The following DCDC2C variants were observed in gnomAD, a reference collection of about 807,000 sequenced individuals.
DCDC2C encodes doublecortin domain-containing protein 2C.
A neutral mutation model predicts 45.0 loss-of-function variants in DCDC2C; 44 were observed. That is an observed-to-expected ratio of 0.98 (90% CI 0.77 to 1.26). The LOEUF (loss-of-function observed/expected upper bound fraction) is 1.26, where lower values mean the gene tolerates loss of function less well. Ranked by LOEUF, DCDC2C falls within the 50% of genes most tolerant of loss-of-function variation. The probability of loss-of-function intolerance (pLI) is 0.00; values close to 1 mark genes in which losing one functional copy is unlikely to be tolerated. For synonymous variants in DCDC2C, 187 were observed against 178.8 expected (o/e 1.05, Z -0.37); for missense variants, 447 against 468.9 (o/e 0.95, Z 0.43).
chr2:3,816,238 G>A (rs902910771), intron 10 of DCDC2C, among the ~76,000 whole-genome samples: 1 of 152,204 alleles, frequency 6.6e-6, no homozygotes, highest in African/African-American at 2.4e-5. Context: ...GTCCGAATAA[G>A]AGAAGGAGAA....
chr2:3,795,806 C>T (rs1433298092), intron 10 of DCDC2C, among the ~76,000 whole-genome samples: 2 of 136,372 alleles, frequency 1.5e-5, no homozygotes, highest in Admixed American at 7.3e-5. Context: ...TAGCGTGATG[C>T]CTCCAGCTTT....
chr2:3,718,703 C>T (rs1484255319), intron 2 of DCDC2C, among the ~76,000 whole-genome samples: 1 of 152,172 alleles, frequency 6.6e-6, no homozygotes, highest in Non-Finnish European at 1.5e-5. Flanking sequence ...GAAACAAGCT[C>T]TGTGCTGGGT....
intron 6 of DCDC2C, among the ~76,000 whole-genome samples, chr2:3,755,412 A>G (rs1380587864): frequency 6.6e-6 from 1 of 150,800 alleles, no homozygotes; most frequent in East Asian, 2.0e-4. Flanking sequence ...TATGTATTTA[A>G]ATACATGTGT....
intron 10 of DCDC2C, among the ~76,000 whole-genome samples, chr2:3,789,654 C>T (rs1670753076): frequency 6.6e-6 from 1 of 152,228 alleles, no homozygotes; most frequent in Non-Finnish European, 1.5e-5. Context: ...TTTTTTCCTA[C>T]TAAATGCTCC....
chr2:3,802,245 G>A (rs1475598609), intron 10 of DCDC2C, among the ~76,000 whole-genome samples: 2 of 152,206 alleles, frequency 1.3e-5, no homozygotes, highest in African/African-American at 2.4e-5. Context: ...AATAAAAGCT[G>A]TCCTTCAACG....
chr2:3,707,324 C>G (rs1291683788), intron 1 of DCDC2C, among the ~76,000 whole-genome samples: 2 of 151,996 alleles, frequency 1.3e-5, no homozygotes, highest in African/African-American at 4.8e-5. Context: ...TAATGAAAAT[C>G]AGATGTCTCA....
At chr2:3,736,003 T>C (rs891324882) in intron 3 of DCDC2C, among the ~76,000 whole-genome samples, 5 of 152,308 alleles carry the variant, frequency 3.3e-5, no homozygotes, top group African/African-American at 1.2e-4. Flanking sequence ...ATTTCTATCT[T>C]ATAGGGTTCT....
chr2:3,800,004 G>A (rs1255116563), intron 10 of DCDC2C, among the ~76,000 whole-genome samples: 1 of 152,214 alleles, frequency 6.6e-6, no homozygotes, highest in Non-Finnish European at 1.5e-5. Context: ...AGACTGCTGT[G>A]CTAGCAATCA....
intron 6 of DCDC2C, 31 bp downstream of exon 6, chr2:3,754,665 TTGTTTC>T: frequency 1.3e-6 from 2 of 1,538,758 alleles, no homozygotes; most frequent in South Asian, 1.2e-5. Context: ...AGTAAGTAAC[TTGTTTC>T]TGATTCTGGC....
Position 3,818,151 on chromosome 2 carries a change from A to G in DCDC2C, c.1066-29003A>G, listed in dbSNP as rs147569554. On this transcript the variant is annotated intron_variant, in intron 10 of 10. Transcript: ENST00000399143. The surrounding 1 kb of genome is among the most constrained non-coding windows in gnomAD (Gnocchi z 4.7). ...TGGGAAGATTTGTAGGAGGGGCTAT[A>G]AAGTAGAAGGTCATCAAAATATTTA... is the stretch of plus-strand genomic sequence containing the variant. 9.2e-3 allele frequency among the ~76,000 whole-genome samples: 1,399 copies of G among 152,300 alleles called. 24 individuals are homozygous for G. The highest frequency in any genetic ancestry group is 0.031 in the African/African-American group (1,288 of 41,564).
At chr2:3,834,080 A>ACTCCCCCCCCCCCCCCCCCCCCCCCC in intron 10 of DCDC2C, among the ~76,000 whole-genome samples, 1 of 150,652 alleles carries the variant, frequency 6.6e-6, no homozygotes, top group Admixed American at 6.6e-5. Flanking sequence ...TTTCCTGTTT[A>ACTCCCCCCCCCCCCCCCCCCCCCCCC]CTCCCCCTCC....
chr2:3,771,357 A>G (rs897069), intron 8 of DCDC2C, among the ~76,000 whole-genome samples: 72,466 of 152,018 alleles, frequency 0.48, 17,545 homozygotes, highest in East Asian at 0.67. Flanking sequence ...CCATGCACTT[A>G]ATCAACAGAG....
At chr2:3,815,740 G>C (rs1185943333) in intron 10 of DCDC2C, among the ~76,000 whole-genome samples, 1 of 136,646 alleles carries the variant, frequency 7.3e-6, no homozygotes, top group Non-Finnish European at 1.6e-5. Context: ...GGCAGGGGCA[G>C]GGGTCACAAG....
At chr2:3,809,545 T>C (rs1671337238) in intron 10 of DCDC2C, among the ~76,000 whole-genome samples, 1 of 152,220 alleles carries the variant, frequency 6.6e-6, no homozygotes, top group Non-Finnish European at 1.5e-5. Context: ...AGAAAAACTA[T>C]TGACTTTTTT....
intron 2 of DCDC2C, among the ~76,000 whole-genome samples, chr2:3,712,446 A>T (rs1668237725): frequency 6.7e-6 from 1 of 149,728 alleles, no homozygotes; most frequent in African/African-American, 2.5e-5. Flanking sequence ...TGGGAGAATT[A>T]CTTGAGCCCA....
intron 4 of DCDC2C, among the ~76,000 whole-genome samples, chr2:3,744,875 G>T (rs1572579258): frequency 6.6e-6 from 1 of 152,316 alleles, no homozygotes; most frequent in Non-Finnish European, 1.5e-5. Flanking sequence ...CTCCCAGAAT[G>T]CAGCTATAAA....
chr2:3,763,553 G>C (rs1295131416), intron 6 of DCDC2C, among the ~76,000 whole-genome samples: 2 of 152,194 alleles, frequency 1.3e-5, no homozygotes, highest in African/African-American at 4.8e-5. Flanking sequence ...CCGCCAAGGT[G>C]GCCCTAGTCC....
At chr2:3,739,155 A>G (rs1669120113) in intron 3 of DCDC2C, among the ~76,000 whole-genome samples, 1 of 152,240 alleles carries the variant, frequency 6.6e-6, no homozygotes, top group Non-Finnish European at 1.5e-5. Flanking sequence ...TTACAGGCTT[A>G]TAAAAATGTG....
At chr2:3,812,992 T>C in intron 10 of DCDC2C, among the ~76,000 whole-genome samples, 1 of 150,596 alleles carries the variant, frequency 6.6e-6, no homozygotes, top group Non-Finnish European at 1.5e-5. Context: ...TTACTTCCAA[T>C]TATGTGGTCG....
Sources: allele counts gnomAD v4.1 joint callset (sites outside exome capture counted in the v4.1 genomes callset), GRCh38; gene constraint gnomAD v4.1.1; non-coding constraint Gnocchi (gnomAD v3.1); transcripts MANE v1.5; gene names NCBI Gene and HGNC (gene_info 2026-07-23, HGNC 2026-07-21).